GALNT3: variants seen among roughly 807,000 people sequenced by gnomAD.
GALNT3 encodes the protein polypeptide N-acetylgalactosaminyltransferase 3, also known as GalNAc transferase 3.
A neutral mutation model predicts 69.8 loss-of-function variants in GALNT3; 51 were observed. The ratio of observed to expected loss-of-function variants is 0.73; its 90% confidence interval spans 0.58 to 0.92. The LOEUF is 0.92. Ranked by LOEUF, GALNT3 falls within the 40% of genes least tolerant of loss-of-function variation. The pLI is 0.00. For missense variants in GALNT3, 711 were observed against 760.0 expected, an observed-to-expected ratio of 0.94 and a Z score of 0.76; for synonymous variants, 265 against 248.5, an observed-to-expected ratio of 1.07 and a Z score of -0.63.
At chr2:165,781,940 T>C (rs1032346279) in intron 1 of GALNT3, among the ~76,000 whole-genome samples, 9 of 152,114 alleles carry the variant, frequency 5.9e-5, no homozygotes, top group Non-Finnish European at 1.3e-4. Context: ...ACTAAGTCAA[T>C]AGCTACATAC....
chr2:165,758,645 A>T lies in GALNT3; in HGVS notation c.1191+102T>A, dbSNP rs1688488676. The T allele has an allele frequency of 3.9e-6, 3 of 761,730 alleles. 1 individual carries two copies. The South Asian group carries it at 5.0e-5, about 13-fold the overall frequency. The allele number at this position is 761,730 out of a possible 1,614,324, so 47.2% of individuals were successfully genotyped here. A position where few individuals can be genotyped will look rare whatever the true frequency, so the allele number is the denominator to read the frequency against. On this transcript the variant is annotated intron_variant, in intron 6 of 10. Transcript: ENST00000392701. ...AGCAATTAAGTTTCAGAAAGCACAA[A>T]AAGTAGAGTGCACACATCTGTAATC... is the stretch of plus-strand genomic sequence containing the variant.
intron 1 of GALNT3, among the ~76,000 whole-genome samples, chr2:165,785,797 G>A (rs1205032443): frequency 6.6e-6 from 1 of 152,054 alleles, no homozygotes; most frequent in East Asian, 1.9e-4. Flanking sequence ...TCCGAACAGG[G>A]GCAAGAGGAC....
chr2:165,787,355 G>A (rs963323242), intron 1 of GALNT3, among the ~76,000 whole-genome samples: 5 of 152,240 alleles, frequency 3.3e-5, no homozygotes, highest in African/African-American at 1.2e-4. Context: ...TGATGAGTGT[G>A]CTATATGTTT....
chr2:165,759,637 T>C, intron 4 of GALNT3, 67 bp from the exon 5 acceptor site: 3 of 1,168,838 alleles, frequency 2.6e-6, no homozygotes, highest in Non-Finnish European at 3.8e-6. Context: ...GTTATTTAGG[T>C]GAAGGTTTAC....
intron 1 of GALNT3, among the ~76,000 whole-genome samples, chr2:165,786,770 T>C (rs1683231891): frequency 6.6e-6 from 1 of 152,178 alleles, no homozygotes. Flanking sequence ...ACCTTGTAAA[T>C]AGAGGCAAAA....
chr2:165,755,097 A>G, intron 7 of GALNT3, 34 bp from the exon 8 acceptor site: 1 of 1,581,278 alleles, frequency 6.3e-7, no homozygotes, highest in African/African-American at 1.3e-5. Flanking sequence ...GGAATGCTTA[A>G]TTAAAACAAC....
At chr2:165,766,418 G>GA (rs1470463650) in intron 2 of GALNT3, among the ~76,000 whole-genome samples, 1 of 152,120 alleles carries the variant, frequency 6.6e-6, no homozygotes, top group African/African-American at 2.4e-5. Context: ...TTTCCTCAAT[G>GA]AAAAATATCT....
rs1688301380 is a variant in GALNT3 at position 165,748,620 on chromosome 2, A to G, written c.*161T>C. On this transcript the variant is annotated 3_prime_UTR_variant, in exon 11 of 11. Coordinates refer to ENST00000392701, the MANE Select transcript of GALNT3 (RefSeq NM_004482.4). ...GTGCTTTGAAACAGAAACTTGCAGA[A>G]TTTCTGTAGTAGTGCTACATAAAGA... 1 of 646,864 alleles carries G rather than the reference A, an allele frequency of 1.5e-6. No individual in the cohort carries two copies. The highest frequency in any genetic ancestry group is 2.6e-6 in the Non-Finnish European group (1 of 379,452). 40.1% of individuals were successfully genotyped at this position (646,864 alleles called of 1,614,324 possible).
Position 165,770,758 on chromosome 2 carries a change from ATAT to A in GALNT3, c.-61_-59del. On this transcript the variant is annotated 5_prime_UTR_variant, in exon 2 of 11. Transcript: ENST00000392701. ...ACAGTTATTTCTTCTTCTGTTACTTATATTTTTTATCATAGATTTGCTGAGAAG... is the reference window on the plus strand; with the variant it reads ...ACAGTTATTTCTTCTTCTGTTACTTATTTTTATCATAGATTTGCTGAGAAG... 6.4e-7 allele frequency: 1 copy of A among 1,558,300 alleles called. No homozygotes were observed. The highest frequency in any genetic ancestry group is 8.7e-7 in the Non-Finnish European group (1 of 1,151,412).
intron 1 of GALNT3, among the ~76,000 whole-genome samples, chr2:165,780,622 T>G (rs1233953401): frequency 6.6e-6 from 1 of 152,118 alleles, no homozygotes; most frequent in East Asian, 1.9e-4. Flanking sequence ...CAGATTCATC[T>G]GCAAATCAGG....
intron 2 of GALNT3, among the ~76,000 whole-genome samples, chr2:165,769,747 T>C (rs1248241170): frequency 4.6e-5 from 7 of 152,178 alleles, no homozygotes; most frequent in South Asian, 2.1e-4. Flanking sequence ...TTTACACATA[T>C]ATAAAATATT....
At chr2:165,752,273 G>T (rs1483448397) in intron 9 of GALNT3, among the ~76,000 whole-genome samples, 2 of 152,000 alleles carry the variant, frequency 1.3e-5, no homozygotes, top group Admixed American at 6.6e-5. Flanking sequence ...CAGTATTCAG[G>T]CCTCCCTCTA....
chr2:165,748,891 A>G lies in GALNT3; in HGVS notation c.1792T>C (p.Tyr598His), dbSNP rs1403128728. 9 of 1,610,048 alleles carry G rather than the reference A, an allele frequency of 5.6e-6. No homozygotes were observed. The highest frequency in any genetic ancestry group is 2.2e-5 in the East Asian group (1 of 44,772). ...IWEIQKDQLL[Y>H]NPFLKMCLSA... ...AGGCACATTTTTAAGAATGGATTGT[A>G]TAGAAGTTGATCCTAGAATAAAAGG... The change falls in exon 11 of 11, where the codon TAC (tyrosine) becomes CAC (histidine). Residue 598 changes from tyrosine (Y) to histidine (H), a missense_variant. By Grantham distance (83) the Tyr-to-His change is moderately conservative. Coordinates refer to ENST00000392701, the MANE Select transcript of GALNT3 (RefSeq NM_004482.4).
intron 3 of GALNT3, among the ~76,000 whole-genome samples, chr2:165,764,660 T>C (rs917055973): frequency 5.9e-5 from 9 of 152,188 alleles, no homozygotes; most frequent in Admixed American, 2.0e-4. Context: ...CAGTCTCACA[T>C]TGAGGACTAC....
At chr2:165,780,921 G>A (rs923631734) in intron 1 of GALNT3, among the ~76,000 whole-genome samples, 2 of 152,058 alleles carry the variant, frequency 1.3e-5, no homozygotes, top group African/African-American at 4.8e-5. Context: ...AGATAATGAT[G>A]GGAAACTTGG....
intron 9 of GALNT3, among the ~76,000 whole-genome samples, chr2:165,753,533 T>C (rs1688388997): frequency 6.6e-6 from 1 of 152,178 alleles, no homozygotes; most frequent in Non-Finnish European, 1.5e-5. Context: ...TGCTAGTTTA[T>C]AGATTTCCTA....
rs766791673 is a variant in GALNT3 at position 165,748,863 on chromosome 2, G to A, written c.1820C>T (p.Ser607Leu). The A allele has an allele frequency of 3.7e-6, 6 of 1,611,146 alleles. No individual in the cohort carries two copies. The Middle Eastern group carries it at 5.0e-4, about 134-fold the overall frequency. Residue 607 changes from serine (S) to leucine (L), a missense_variant, in exon 11 of 11, where the codon TCA becomes TTA. Ser to Leu is a moderately radical substitution (Grantham distance 145). Coordinates refer to ENST00000392701, the MANE Select transcript of GALNT3 (RefSeq NM_004482.4). ...TAAACTTGGATGCTCTCCATTTGCTGAAAGGCACATTTTTAAGAATGGATT... is the reference window on the plus strand; with the variant it reads ...TAAACTTGGATGCTCTCCATTTGCTAAAAGGCACATTTTTAAGAATGGATT... ...LYNPFLKMCL[S>L]ANGEHPSLVS...
intron 2 of GALNT3, among the ~76,000 whole-genome samples, chr2:165,768,916 TC>T (rs1159318255): frequency 6.6e-6 from 1 of 150,592 alleles, no homozygotes; most frequent in East Asian, 2.0e-4. Flanking sequence ...AGCGTCAGGC[TC>T]CCCAGTAGCT....
chr2:165,761,391 T>C (rs1429265998), intron 4 of GALNT3, among the ~76,000 whole-genome samples: 2 of 152,102 alleles, frequency 1.3e-5, no homozygotes, highest in African/African-American at 4.8e-5. Flanking sequence ...TTTGTATTTT[T>C]AGTAGAGACA....
Sources: allele counts gnomAD v4.1 joint callset (sites outside exome capture counted in the v4.1 genomes callset), GRCh38; gene constraint gnomAD v4.1.1; transcripts MANE v1.5; gene names NCBI Gene and HGNC (gene_info 2026-07-23, HGNC 2026-07-21).